ZNF676: variants seen among roughly 807,000 people sequenced by gnomAD.
ZNF676 encodes zinc finger protein 676.
A neutral mutation model predicts 6.0 loss-of-function variants in ZNF676; 4 were observed. That is an observed-to-expected ratio of 0.67 (90% CI 0.33 to 1.53). ZNF676 has a LOEUF of 1.53. Among genes scored for constraint, ZNF676 ranks in the 40% most tolerant of loss-of-function variants. ZNF676 has a pLI of 0.06. For synonymous variants in ZNF676, 198 were observed against 223.1 expected (o/e 0.89, Z 1.00); for missense variants, 644 against 679.7 (o/e 0.95, Z 0.58).
At chr19:22,247,040 T>C in the ZNF676 span, among the ~76,000 whole-genome samples, 2 of 152,160 alleles carry the variant, frequency 1.3e-5, no homozygotes, top group African/African-American at 2.4e-5. Context: ...TTCTGGCAAA[T>C]TATAAAGGGA....
chr19:22,236,579 G>C, the ZNF676 span, among the ~76,000 whole-genome samples: 1 of 152,198 alleles, frequency 6.6e-6, no homozygotes, highest in African/African-American at 2.4e-5. Context: ...ATTGTCATTA[G>C]TGTAGTGGGC....
At chr19:22,203,557 A>C (rs923425854) in intron 1 of ZNF676, 2 of 152,202 alleles carry the variant, frequency 1.3e-5, no homozygotes, top group African/African-American at 4.8e-5. Context: ...CAGCAAGAGA[A>C]ACATGAGCAT....
chr19:22,196,696 C>T lies in ZNF676; in HGVS notation c.-63G>A. 6.2e-7 allele frequency: 1 copy of T among 1,611,914 alleles called. No homozygotes were observed. The highest frequency in any genetic ancestry group is 8.5e-7 in the Non-Finnish European group (1 of 1,178,102). On this transcript the variant is annotated 5_prime_UTR_variant, in exon 1 of 3. The change abolishes the stop of an existing upstream ORF in the 5' untranslated region. Coordinates refer to ENST00000397121, the MANE Select transcript of ZNF676 (RefSeq NM_001001411.3). Reference sequence around the variant, plus strand: ...CATTGCCACTCCTCCAGAGAGAATTCTATGGCCACATCCCTAAATGTCAAT... The same window carrying T: ...CATTGCCACTCCTCCAGAGAGAATTTTATGGCCACATCCCTAAATGTCAAT...
At chr19:22,183,775 G>A (rs1568526352) in intron 2 of ZNF676, among the ~76,000 whole-genome samples, 1 of 152,200 alleles carries the variant, frequency 6.6e-6, no homozygotes, top group Non-Finnish European at 1.5e-5. Flanking sequence ...GAGAGCAGAA[G>A]AGGTCAAAAT....
At chr19:22,254,137 G>C in the ZNF676 span, among the ~76,000 whole-genome samples, 1 of 152,142 alleles carries the variant, frequency 6.6e-6, no homozygotes. Context: ...CTTTCCTGAG[G>C]TCAGAAACCA....
upstream of ZNF676, among the ~76,000 whole-genome samples, chr19:22,197,436 G>C (rs1340503343): frequency 1.3e-5 from 2 of 151,110 alleles, no homozygotes; most frequent in Non-Finnish European, 2.9e-5. Flanking sequence ...ATTTTAATGT[G>C]TGCAATAAGC....
intron 1 of ZNF676, among the ~76,000 whole-genome samples, chr19:22,211,418 T>A (rs1410484462): frequency 6.6e-6 from 1 of 152,186 alleles, no homozygotes; most frequent in Non-Finnish European, 1.5e-5. Flanking sequence ...TTTAATTACA[T>A]GTCAGAGTCA....
chr19:22,179,444 T>C lies in ZNF676; in HGVS notation c.*506A>G, dbSNP rs2023695055. 1 of 362,694 alleles carries C rather than the reference T, an allele frequency of 2.8e-6. No individual in the cohort carries two copies. Among genetic ancestry groups the C allele is most frequent in the African/African-American group, 2.1e-5 (1 of 47,198 alleles). 22.5% of individuals were successfully genotyped at this position (362,694 alleles called of 1,614,324 possible). On this transcript the variant is annotated 3_prime_UTR_variant, in exon 3 of 3. Coordinates refer to ENST00000397121, the MANE Select transcript of ZNF676 (RefSeq NM_001001411.3). The stretch of plus-strand genomic sequence containing the variant: ...AAAGGCTTTGCCACATTCCACACAA[T>C]TATAGGAATTCCCTCCAGTATGAAT...
the ZNF676 span, among the ~76,000 whole-genome samples, chr19:22,253,787 C>T: frequency 0.033 from 5,030 of 152,038 alleles, 264 homozygotes; most frequent in African/African-American, 0.11. Flanking sequence ...TCTGTGAGGG[C>T]GACAGTCTTA....
chr19:22,215,806 C>T (rs1050345831), upstream of ZNF676: 8 of 590,990 alleles, frequency 1.4e-5, no homozygotes, highest in Admixed American at 3.3e-5. Flanking sequence ...GTCCCCCCCC[C>T]CAGCTGCCTG....
At chr19:22,189,729 C>T (rs957522589) in intron 2 of ZNF676, among the ~76,000 whole-genome samples, 1 of 152,104 alleles carries the variant, frequency 6.6e-6, no homozygotes, top group Non-Finnish European at 1.5e-5. Context: ...ACAGACACTT[C>T]TCAAAAGAAG....
intron 2 of ZNF676, among the ~76,000 whole-genome samples, chr19:22,183,621 C>A (rs10421426): frequency 6.6e-6 from 1 of 152,008 alleles, no homozygotes; most frequent in African/African-American, 2.4e-5. Context: ...ATTATAGGCA[C>A]GAGCCGCCAT....
the ZNF676 span, chr19:22,244,210 A>AT: frequency 6.6e-6 from 1 of 151,908 alleles, no homozygotes; most frequent in Non-Finnish European, 1.5e-5. Context: ...CACCCGGCTA[A>AT]TTTTTGTATT....
chr19:22,233,130 C>CAT, the ZNF676 span, among the ~76,000 whole-genome samples: 5 of 152,186 alleles, frequency 3.3e-5, no homozygotes, highest in Admixed American at 6.5e-5. Flanking sequence ...TAAAATTTAA[C>CAT]ATATATATTC....
At chr19:22,226,057 T>G in the ZNF676 span, among the ~76,000 whole-genome samples, 2 of 152,124 alleles carry the variant, frequency 1.3e-5, no homozygotes, top group African/African-American at 4.8e-5. Context: ...AGACACTTAT[T>G]AGCTATTTTT....
chr19:22,181,608 A>C (rs1334093720), intron 2 of ZNF676, 22 bp from the exon 3 acceptor site: 1 of 1,482,602 alleles, frequency 6.7e-7, no homozygotes, highest in Non-Finnish European at 9.0e-7. Context: ...TAAAAATAAC[A>C]AATTAATCTA....
the ZNF676 span, among the ~76,000 whole-genome samples, chr19:22,235,779 A>T: frequency 6.6e-6 from 1 of 152,122 alleles, no homozygotes; most frequent in Non-Finnish European, 1.5e-5. Context: ...GAGTTAATAT[A>T]TCCATCAGGT....
chr19:22,243,030 A>G, the ZNF676 span, among the ~76,000 whole-genome samples: 10 of 151,858 alleles, frequency 6.6e-5, no homozygotes, highest in Admixed American at 2.0e-4. Flanking sequence ...GTCTGTGGTA[A>G]GCCCAGTATT....
Position 22,181,380 on chromosome 19 carries a change from A to T in ZNF676, c.337T>A (p.Phe113Ile). The T allele has an allele frequency of 1.9e-6, 3 of 1,613,734 alleles. No homozygotes were observed. The highest frequency in any genetic ancestry group is 2.5e-6 in the Non-Finnish European group (3 of 1,179,762). Residue 113 changes from phenylalanine (F) to isoleucine (I), a missense_variant, in exon 3 of 3, where the codon TTT becomes ATT. Phe to Ile is a conservative substitution (Grantham distance 21). Transcript: ENST00000397121. Reference sequence around the variant, plus strand: ...ACGTTTGCATATTTGCCACATTGAAATACTTTGCTCTGTGTAGTTGTTAAA... The same window carrying T: ...ACGTTTGCATATTTGCCACATTGAATTACTTTGCTCTGTGTAGTTGTTAAA... ...QSLTTTQSKV[F>I]QCGKYANVFH...
Sources: gnomAD v4.1 joint callset for allele counts (sites outside exome capture counted in the v4.1 genomes callset) on GRCh38, gnomAD v4.1.1 for gene constraint, MANE v1.5 for transcripts, NCBI Gene and HGNC (gene_info 2026-07-23, HGNC 2026-07-21) for gene names.